GLB1: variants seen among roughly 807,000 people sequenced by gnomAD.
The protein encoded by GLB1 is galactosidase beta 1, also known as beta-galactosidase.
A neutral mutation model predicts 74.0 loss-of-function variants in GLB1; 56 were observed. That is an observed-to-expected ratio of 0.76 (90% CI 0.61 to 0.94). The LOEUF (loss-of-function observed/expected upper bound fraction) is 0.94, where lower values mean the gene tolerates loss of function less well. Ranked by LOEUF, GLB1 falls within the 40% of genes least tolerant of loss-of-function variation. The pLI is 0.00. For missense variants in GLB1, 787 were observed against 845.5 expected, an observed-to-expected ratio of 0.93 and a Z score of 0.86; for synonymous variants, 323 against 323.6, an observed-to-expected ratio of 1.00 and a Z score of 0.02.
intron 1 of GLB1, among the ~76,000 whole-genome samples, chr3:33,077,683 CT>C (rs34139339): frequency 1.1e-3 from 168 of 147,054 alleles, no homozygotes; most frequent in African/African-American, 1.6e-3. Context: ...AAGTATATTA[CT>C]TTTTTTTTTT....
chr3:33,056,554 C>T (rs1009921341), intron 6 of GLB1, among the ~76,000 whole-genome samples: 3 of 152,136 alleles, frequency 2.0e-5, no homozygotes, highest in African/African-American at 4.8e-5. Context: ...GCTAGGACTA[C>T]AGGCACTTGC....
intron 1 of GLB1, chr3:33,094,032 A>G (rs758441254): frequency 3.1e-6 from 5 of 1,614,268 alleles, no homozygotes; most frequent in Non-Finnish European, 2.5e-6. Context: ...AATGAGCAAG[A>G]GCGAGTTGAC....
intron 10 of GLB1, among the ~76,000 whole-genome samples, chr3:33,039,807 C>T (rs1464235088): frequency 2.6e-5 from 4 of 152,068 alleles, no homozygotes; most frequent in African/African-American, 9.7e-5. Context: ...ATAAAGAAAA[C>T]TATGCATAGG....
chr3:33,041,492 T>C (rs1271139384), intron 10 of GLB1, among the ~76,000 whole-genome samples: 1 of 151,864 alleles, frequency 6.6e-6, no homozygotes, highest in African/African-American at 2.4e-5. Flanking sequence ...TGAAACCCCA[T>C]CTCTACTAAA....
chr3:33,014,686 G>A (rs1333975304), intron 14 of GLB1, among the ~76,000 whole-genome samples: 1 of 152,198 alleles, frequency 6.6e-6, no homozygotes, highest in Non-Finnish European at 1.5e-5. Flanking sequence ...AGAAAGATGG[G>A]CCAGGCGCAG....
Position 33,014,247 on chromosome 3 carries a change from C to T in GLB1, c.1543G>A (p.Asp515Asn), listed in dbSNP as rs575625235. ...TGGCTGCACACTGCATCCTCAGTGT[C>T]CAGTGGAAAGATCGTCCAGTCCGTG... The part of the protein sequence containing the change: ...ILTDWTIFPL[D>N]TEDAVCSHLG... The change falls in exon 15 of 16, where the codon GAC (aspartate) becomes AAC (asparagine). Residue 515 changes from aspartate (D) to asparagine (N), a missense_variant. Physicochemically the swap from Asp to Asn is conservative, Grantham distance 23 (BLOSUM62 1). Transcript: ENST00000307363. 9 of 1,614,096 alleles carry T rather than the reference C, an allele frequency of 5.6e-6. No homozygotes were observed. Among genetic ancestry groups the T allele is most frequent in the South Asian group, 4.4e-5 (4 of 91,070 alleles).
intron 15 of GLB1, among the ~76,000 whole-genome samples, chr3:33,008,049 T>C (rs1208334799): frequency 3.3e-5 from 5 of 152,190 alleles, no homozygotes; most frequent in Non-Finnish European, 7.3e-5. Flanking sequence ...AGATAGTGTC[T>C]ATAAAGCGTT....
intron 12 of GLB1, 61 bp downstream of exon 12, chr3:33,021,505 A>G (rs551105488): frequency 8.8e-5 from 137 of 1,562,746 alleles, no homozygotes; most frequent in Non-Finnish European, 1.2e-4. Flanking sequence ...ACTGCAAGGC[A>G]GTGCAGAAAG....
intron 5 of GLB1, among the ~76,000 whole-genome samples, chr3:33,060,579 T>C (rs1164807807): frequency 2.0e-5 from 3 of 152,184 alleles, no homozygotes; most frequent in Non-Finnish European, 4.4e-5. Context: ...CTCACCCCCA[T>C]GCCCAAACCC....
chr3:32,962,505 G>A, the GLB1 span, among the ~76,000 whole-genome samples: 1 of 152,112 alleles, frequency 6.6e-6, no homozygotes, highest in Non-Finnish European at 1.5e-5. Flanking sequence ...TAAAAAATTG[G>A]AAAGGGGAAG....
At chr3:33,090,543 TAAAG>T (rs1700708406) in intron 1 of GLB1, 2 of 985,206 alleles carry the variant, frequency 2.0e-6, no homozygotes, top group South Asian at 4.7e-5. Flanking sequence ...AGATTAAAAA[TAAAG>T]AAACAAATGA....
At chr3:32,991,289 G>A in the GLB1 span, among the ~76,000 whole-genome samples, 2 of 152,304 alleles carry the variant, frequency 1.3e-5, no homozygotes, top group South Asian at 4.1e-4. Context: ...CAGGCTAAAT[G>A]AACCACTTAG....
intron 5 of GLB1, among the ~76,000 whole-genome samples, chr3:33,061,024 CAAATGAAAAG>C (rs1699421851): frequency 6.6e-6 from 1 of 152,066 alleles, no homozygotes; most frequent in South Asian, 2.1e-4. Flanking sequence ...GTGAGACACA[CAAATGAAAAG>C]GCTTGAAAAA....
the GLB1 span, among the ~76,000 whole-genome samples, chr3:32,983,460 A>C: frequency 2.6e-5 from 4 of 152,180 alleles, no homozygotes; most frequent in Non-Finnish European, 5.9e-5. Context: ...GTTCTTTTGC[A>C]AATCTATGAT....
At chr3:33,092,178 A>G in intron 1 of GLB1, 1 of 985,688 alleles carries the variant, frequency 1.0e-6, no homozygotes, top group Non-Finnish European at 1.2e-6. Context: ...CTTGCCCCCA[A>G]AGGCCCAGGA....
chr3:33,022,958 T>C (rs1302144703), intron 11 of GLB1, among the ~76,000 whole-genome samples: 1 of 152,174 alleles, frequency 6.6e-6, no homozygotes, highest in Non-Finnish European at 1.5e-5. Context: ...CAGCTACTCA[T>C]ATGGGTGTTT....
rs575600236 is a variant in GLB1, at chr3:33,097,027, G to C, written c.59C>G (p.Pro20Arg). Residue 20 changes from proline to arginine, a missense_variant, in exon 1 of 16, where the codon CCT becomes CGT. Coordinates refer to ENST00000307363, the MANE Select transcript of GLB1 (RefSeq NM_000404.4). ...CAGACTTACGCGCAAGCCGCGCGTA[G>C]GGCCCAGAAGCAGCAGAACCAGCAA... ...PLLLVLLLLGPTRGLRNATQR... is the reference protein window; with the variant it reads ...PLLLVLLLLGRTRGLRNATQR... 13 of 1,612,330 alleles carry C rather than the reference G, an allele frequency of 8.1e-6. No individual in the cohort carries two copies. The East Asian group carries it at 2.0e-4, about 25-fold the overall frequency.
At chr3:33,068,728 T>C in intron 3 of GLB1, 92 bp downstream of exon 3, 2 of 1,607,062 alleles carry the variant, frequency 1.2e-6, no homozygotes, top group Non-Finnish European at 1.7e-6. Flanking sequence ...CCATGCTCTC[T>C]GGAATGCAGG....
the GLB1 span, among the ~76,000 whole-genome samples, chr3:32,989,860 T>C: frequency 1.3e-5 from 2 of 152,164 alleles, no homozygotes; most frequent in African/African-American, 2.4e-5. Flanking sequence ...CTGAGCTGCA[T>C]GCCACCCGCC....
Sources: gnomAD v4.1 joint callset for allele counts (sites outside exome capture counted in the v4.1 genomes callset) on GRCh38, gnomAD v4.1.1 for gene constraint, MANE v1.5 for transcripts, NCBI Gene and HGNC (gene_info 2026-07-23, HGNC 2026-07-21) for gene names.